Variants in NRG1 observed in about 807,000 individuals in gnomAD.
The protein encoded by NRG1 is pro-neuregulin-1, membrane-bound isoform.
NRG1 carries 18 observed loss-of-function variants against 63.8 expected under a neutral mutation model. That is an observed-to-expected ratio of 0.28 (90% CI 0.19 to 0.42). The LOEUF is 0.42. NRG1 is among the 10% of genes least tolerant of loss of function. The probability of loss-of-function intolerance (pLI) is 1.00; values close to 1 mark genes in which losing one functional copy is unlikely to be tolerated. For synonymous variants in NRG1, 302 were observed against 301.3 expected (o/e 1.00, Z -0.02); for missense variants, 762 against 814.7 (o/e 0.94, Z 0.79).
intron 1 of NRG1, among the ~76,000 whole-genome samples, chr8:32,446,531 T>G (rs1437127762): frequency 6.6e-6 from 1 of 152,136 alleles, no homozygotes; most frequent in Non-Finnish European, 1.5e-5. Context: ...GGTACATGCC[T>G]GTAATCCCAG....
intron 5 of NRG1, among the ~76,000 whole-genome samples, chr8:32,715,282 C>G (rs1208831356): frequency 1.3e-5 from 2 of 152,130 alleles, no homozygotes; most frequent in Admixed American, 6.6e-5. Flanking sequence ...TAACATGTCT[C>G]TGGTAACTAA....
At chr8:31,645,598 C>G (rs938891190) in intron 1 of NRG1, among the ~76,000 whole-genome samples, 1 of 152,162 alleles carries the variant, frequency 6.6e-6, no homozygotes, top group African/African-American at 2.4e-5. Context: ...TATTAGGAAA[C>G]AGTTCTCCCT....
chr8:32,266,475 T>C (rs1850947385), intron 1 of NRG1, among the ~76,000 whole-genome samples: 1 of 152,126 alleles, frequency 6.6e-6, no homozygotes, highest in African/African-American at 2.4e-5. Context: ...CTGTCATGGA[T>C]TTTCTATCTA....
chr8:32,577,448 G>T (rs1839870180), intron 1 of NRG1, among the ~76,000 whole-genome samples: 1 of 152,172 alleles, frequency 6.6e-6, no homozygotes, highest in South Asian at 2.1e-4. Context: ...CATTTCTGCT[G>T]TAACTCCATG....
At chr8:32,419,888 G>A (rs532858884) in intron 1 of NRG1, among the ~76,000 whole-genome samples, 4 of 152,054 alleles carry the variant, frequency 2.6e-5, no homozygotes, top group Non-Finnish European at 4.4e-5. Context: ...AAATCTGTGG[G>A]GTAATTGCTC....
chr8:31,857,466 T>G (rs1293646025), intron 1 of NRG1, among the ~76,000 whole-genome samples: 3 of 152,224 alleles, frequency 2.0e-5, no homozygotes, highest in Non-Finnish European at 4.4e-5. Flanking sequence ...TCGCCCTGCT[T>G]TGGCTCGCGC....
chr8:32,481,613 G>T (rs974644560), intron 1 of NRG1, among the ~76,000 whole-genome samples: 2 of 152,224 alleles, frequency 1.3e-5, no homozygotes, highest in Non-Finnish European at 2.9e-5. Context: ...CAGCTTTACA[G>T]CTAATGGTTG....
At position 32,400,912 on chromosome 8, in the gene NRG1, T is replaced by C. The variant is rs181913960; in HGVS notation, c.38-194916T>C. Among the ~76,000 whole-genome samples, 332 of 152,180 alleles carry C rather than the reference T, an allele frequency of 2.2e-3. 3 individuals carry two copies. The highest frequency in any genetic ancestry group is 7.8e-3 in the African/African-American group (324 of 41,532). On this transcript the variant is annotated intron_variant, in intron 1 of 10. Coordinates refer to the NRG1 transcript ENST00000519301. ...AGCCTAAATGCCCATCAACAGTAGA[T>C]TGAATAAAGAAAATGTGGTACATAT...
intron 1 of NRG1, among the ~76,000 whole-genome samples, chr8:31,766,147 A>G (rs559701640): frequency 2.0e-5 from 3 of 152,194 alleles, no homozygotes; most frequent in African/African-American, 7.2e-5. Context: ...CACCAAGAAA[A>G]CACACACACA....
chr8:32,082,952 C>A (rs966637767), intron 1 of NRG1, among the ~76,000 whole-genome samples: 2 of 152,120 alleles, frequency 1.3e-5, no homozygotes, highest in Admixed American at 6.6e-5. Flanking sequence ...CAATTCCTCC[C>A]TCATCAAAAA....
intron 1 of NRG1, among the ~76,000 whole-genome samples, chr8:31,773,317 T>C (rs1486824648): frequency 1.3e-5 from 2 of 152,214 alleles, no homozygotes; most frequent in East Asian, 3.9e-4. Context: ...TGATCATTTA[T>C]TCCCAGTGTC....
chr8:32,081,927 T>C (rs1427381094), intron 1 of NRG1, among the ~76,000 whole-genome samples: 1 of 152,140 alleles, frequency 6.6e-6, no homozygotes, highest in African/African-American at 2.4e-5. Context: ...TACCCTACAG[T>C]CTTAAAGCCT....
chr8:32,226,873 A>G (rs770687685), intron 1 of NRG1, among the ~76,000 whole-genome samples: 3 of 152,242 alleles, frequency 2.0e-5, no homozygotes, highest in Non-Finnish European at 2.9e-5. Context: ...ATGTAGAACA[A>G]TAACTCAGCT....
Position 32,148,435 on chromosome 8 carries a change from G to A in NRG1, c.38-447393G>A, listed in dbSNP as rs191543881. The stretch of plus-strand genomic sequence containing the variant: ...CTTTTTTGAGACGGAGTCTAGCTCT[G>A]TTGCTCAGGCTGGAGTGCAGTGGCG... On this transcript the variant is annotated intron_variant, in intron 1 of 10. Coordinates refer to the NRG1 transcript ENST00000519301. Among the ~76,000 whole-genome samples the A allele has an allele frequency of 2.1e-3, 321 of 152,288 alleles. 4 individuals carry two copies. Among genetic ancestry groups the A allele is most frequent in the African/African-American group, 7.4e-3 (306 of 41,540 alleles).
At chr8:32,100,194 A>T (rs1226356707) in intron 1 of NRG1, among the ~76,000 whole-genome samples, 1 of 152,058 alleles carries the variant, frequency 6.6e-6, no homozygotes, top group Non-Finnish European at 1.5e-5. Context: ...CTTAAAAAAC[A>T]AAACAAAACA....
At chr8:32,618,953 C>A (rs1218968350) in intron 5 of NRG1, among the ~76,000 whole-genome samples, 3 of 152,122 alleles carry the variant, frequency 2.0e-5, no homozygotes, top group African/African-American at 7.2e-5. Flanking sequence ...TCGCTCATGC[C>A]TATAATCCTA....
intron 1 of NRG1, among the ~76,000 whole-genome samples, chr8:31,712,163 T>A (rs950109104): frequency 4.6e-5 from 7 of 152,020 alleles, no homozygotes; most frequent in Non-Finnish European, 8.8e-5. Flanking sequence ...AGCTTTTTTT[T>A]ATCATTTCTG....
chr8:32,441,094 C>G, intron 1 of NRG1: 1 of 152,200 alleles, frequency 6.6e-6, no homozygotes, highest in East Asian at 1.9e-4. Flanking sequence ...CTTTGCTTTT[C>G]AGTTTTAGAT....
intron 1 of NRG1, among the ~76,000 whole-genome samples, chr8:32,108,154 C>G (rs1831518349): frequency 6.6e-6 from 1 of 152,166 alleles, no homozygotes; most frequent in South Asian, 2.1e-4. Flanking sequence ...AGTCCTCACC[C>G]TCATCCCCGA....
Sources: gnomAD v4.1 joint callset for allele counts (sites outside exome capture counted in the v4.1 genomes callset) on GRCh38, gnomAD v4.1.1 for gene constraint, MANE v1.5 for transcripts, NCBI Gene and HGNC (gene_info 2026-07-23, HGNC 2026-07-21) for gene names.